The following GMIP variants were observed in gnomAD, a reference collection of about 807,000 sequenced individuals.
GMIP encodes the protein GEM-interacting protein.
Under a neutral mutation model 105.3 loss-of-function variants are expected in GMIP, and 54 were observed. The ratio of observed to expected loss-of-function variants is 0.51; its 90% confidence interval spans 0.41 to 0.64. The LOEUF (loss-of-function observed/expected upper bound fraction) is 0.64, where lower values mean the gene tolerates loss of function less well. Ranked by LOEUF, GMIP falls within the 30% of genes least tolerant of loss-of-function variation. GMIP has a pLI of 0.00. For synonymous variants in GMIP, 541 were observed against 560.8 expected (o/e 0.96, Z 0.50); for missense variants, 1,110 against 1,319.4 (o/e 0.84, Z 2.46).
chr19:19,630,014 C>T lies in GMIP; in HGVS notation c.2862G>A (p.Arg954=). Residue 954 remains arginine (R), a synonymous_variant, in exon 21 of 21, where the codon AGG becomes AGA. Coordinates refer to ENST00000203556, the MANE Select transcript of GMIP (RefSeq NM_016573.4). The surrounding 1 kb of genome is among the most constrained non-coding windows in gnomAD (Gnocchi z 4.8). ...GCTGGACGTCCGGGCAGCAGGTGGC[C>T]CTGGGCACAGCCTCGCTGTCCAATT... ...LSKLDSEAVP[R]ATCCPDVQPE... is the part of the protein sequence containing the mutation. 6.2e-7 allele frequency: 1 copy of T among 1,608,888 alleles called. No individual in the cohort carries two copies. The highest frequency in any genetic ancestry group is 1.1e-5 in the South Asian group (1 of 90,014).
chr19:19,635,505 C>T lies in GMIP; in HGVS notation c.1470G>A (p.Ala490=), dbSNP rs200565808. The T allele has an allele frequency of 1.9e-5, 30 of 1,612,398 alleles. No homozygotes were observed. Among genetic ancestry groups the T allele is most frequent in the Middle Eastern group, 1.7e-4 (1 of 5,824 alleles). Residue 490 remains alanine, a synonymous_variant, in exon 15 of 21, where the codon GCG becomes GCA. Coordinates refer to ENST00000203556, the MANE Select transcript of GMIP (RefSeq NM_016573.4). This position sits in a 1 kb window ranked among gnomAD's most constrained non-coding sequence, Gnocchi z 4.7. ...SPFGKWTLSS[A]AQTHQLRRLR... ...GTCGCCGCAGCTGGTGGGTCTGAGCCGCGCTGGACAGTGTCCACTTCCCGA... is the reference window on the plus strand; with the variant it reads ...GTCGCCGCAGCTGGTGGGTCTGAGCTGCGCTGGACAGTGTCCACTTCCCGA...
chr19:19,638,226 T>TG lies in GMIP; in HGVS notation c.721dup (p.Gln241ProfsTer7). The TG allele has an allele frequency of 1.2e-6, 2 of 1,600,208 alleles. No individual in the cohort carries two copies. The highest frequency in any genetic ancestry group is 1.3e-5 in the African/African-American group (1 of 74,978). ...CTGCTTGCTAGGTCCCGGCGAGGCC[T>TG]GGGGGGCCGAGTCCTCAGGGGACCC... On this transcript the variant is annotated frameshift_variant, in exon 9 of 21. Coordinates refer to ENST00000203556, the MANE Select transcript of GMIP (RefSeq NM_016573.4). LOFTEE classifies it high-confidence loss of function.
chr19:19,630,210 A>G lies in GMIP; in HGVS notation c.2666T>C (p.Leu889Pro). 1 of 1,598,150 alleles carries G rather than the reference A, an allele frequency of 6.3e-7. No homozygotes were observed. Among genetic ancestry groups the G allele is most frequent in the Non-Finnish European group, 8.6e-7 (1 of 1,168,662 alleles). ...CTCCTCGCACAGCTTGGAAGCCACC[A>G]GGGCCAGACTGGACAGCTGGTGGGT... ...PVTHQLSSLA[L>P]VASKLCEETP... The change falls in exon 21 of 21, where the codon CTG becomes CCG. Residue 889 changes from leucine to proline, a missense_variant. Leu to Pro is a moderately conservative substitution (Grantham distance 98). Coordinates refer to ENST00000203556, the MANE Select transcript of GMIP (RefSeq NM_016573.4). The surrounding 1 kb of genome is among the most constrained non-coding windows in gnomAD (Gnocchi z 4.8).
In GMIP at chr19:19,640,349, C is replaced by G; in HGVS notation, c.376G>C (p.Ala126Pro). 6.2e-7 allele frequency: 1 copy of G among 1,614,038 alleles called. No homozygotes were observed. Among genetic ancestry groups the G allele is most frequent in the Non-Finnish European group, 8.5e-7 (1 of 1,180,002 alleles). The change falls in exon 6 of 21, where the codon GCT (alanine) becomes CCT (proline). Residue 126 changes from alanine (A) to proline (P), a missense_variant. Around this residue, in one of 3 missense-constraint regions of GMIP, gnomAD observed 667 missense variants for 773.2 expected, o/e 0.86. Coordinates refer to ENST00000203556, the MANE Select transcript of GMIP (RefSeq NM_016573.4). ...TCAGCGATCTTCATGGTGCTCTTAG[C>G]AAACTCCAGCTCTGGGGGAAGAGAG... ...EKRASYELEF[A>P]KSTMKIAEAG... is the part of the protein sequence containing the mutation.
chr19:19,640,215 G>A, intron 6 of GMIP, 23 bp from the exon 7 acceptor site: 1 of 1,588,356 alleles, frequency 6.3e-7, no homozygotes, highest in Non-Finnish European at 8.6e-7. Context: ...GAGTGGTGTA[G>A]GAGGATACTG....
At chr19:19,640,257 G>C in intron 6 of GMIP, 39 bp downstream of exon 6, 1 of 1,600,024 alleles carries the variant, frequency 6.2e-7, no homozygotes, top group Non-Finnish European at 8.6e-7. Flanking sequence ...TGGGGTTCTA[G>C]GGGGCTTGGG....
At position 19,634,247 on chromosome 19, in the gene GMIP, G is replaced by A. The variant is rs948153777; in HGVS notation, c.2085-57C>T. ...ACAGGATGCAAGCTCATTGGTCTGA[G>A]GGTAAGGGTGGGACACGCAGGCCAG... is the stretch of plus-strand genomic sequence containing the variant. On this transcript the variant is annotated intron_variant, in intron 18 of 20. Coordinates refer to ENST00000203556, the MANE Select transcript of GMIP (RefSeq NM_016573.4). The surrounding 1 kb of genome is among the most constrained non-coding windows in gnomAD (Gnocchi z 6.1). 9 of 1,495,486 alleles carry A rather than the reference G, an allele frequency of 6.0e-6. No individual in the cohort carries two copies. In the African/African-American group the frequency reaches 1.1e-4, roughly 18 times the overall value. 92.6% of individuals were successfully genotyped at this position (1,495,486 alleles called of 1,614,324 possible).
chr19:19,634,092 G>T lies in GMIP; in HGVS notation c.2183C>A (p.Ala728Asp), dbSNP rs2061824373. ...LLRPPDGPRA[A>D]SAIPVTCLLD... ...CAGGCAGGTGACAGGGATGGCGCTGGCTGCCCGCGGGCCGTCCGGCGGCCG... is the reference window on the plus strand; with the variant it reads ...CAGGCAGGTGACAGGGATGGCGCTGTCTGCCCGCGGGCCGTCCGGCGGCCG... The change falls in exon 19 of 21, where the codon GCC becomes GAC. Residue 728 changes from alanine (A) to aspartate (D), a missense_variant. Physicochemically the swap from Ala to Asp is moderately radical, Grantham distance 126. Transcript: ENST00000203556. The surrounding 1 kb of genome is among the most constrained non-coding windows in gnomAD (Gnocchi z 6.1). 1 of 1,613,124 alleles carries T rather than the reference G, an allele frequency of 6.2e-7. No individual in the cohort carries two copies. The highest frequency in any genetic ancestry group is 8.5e-7 in the Non-Finnish European group (1 of 1,179,816).
In GMIP at chr19:19,643,182, G is replaced by A. The variant is rs1036971471; in HGVS notation, c.19+329C>T. On this transcript the variant is annotated intron_variant, in intron 1 of 20. Coordinates refer to ENST00000203556, the MANE Select transcript of GMIP (RefSeq NM_016573.4). ...CTCCCCAGGGCTACAGAGGGGCCCT[G>A]TGGGGATCCTACCGCGTTGCCCTCT... 1.8e-5 allele frequency: 6 copies of A among 341,222 alleles called. No homozygotes were observed. The Admixed American group carries it at 1.8e-4, about 10-fold the overall frequency. 21.1% of individuals were successfully genotyped at this position (341,222 alleles called of 1,614,324 possible).
chr19:19,632,144 A>T (rs2061802942), intron 19 of GMIP, among the ~76,000 whole-genome samples: 1 of 151,634 alleles, frequency 6.6e-6, no homozygotes, highest in Admixed American at 6.6e-5. Context: ...TACAAAAAAA[A>T]TTAGCTGGGT....
In GMIP at chr19:19,635,504, C is replaced by A. The variant is rs376823436; in HGVS notation, c.1471G>T (p.Ala491Ser). ...AGTCGCCGCAGCTGGTGGGTCTGAG[C>A]CGCGCTGGACAGTGTCCACTTCCCG... ...PFGKWTLSSA[A>S]QTHQLRRLRG... Residue 491 changes from alanine to serine, a missense_variant, in exon 15 of 21, where the codon GCT becomes TCT. Physicochemically the swap from Ala to Ser is moderately conservative, Grantham distance 99. Transcript: ENST00000203556. This position sits in a 1 kb window ranked among gnomAD's most constrained non-coding sequence, Gnocchi z 4.7. 40 of 1,612,244 alleles carry A rather than the reference C, an allele frequency of 2.5e-5. No individual in the cohort carries two copies. The highest frequency in any genetic ancestry group is 3.0e-5 in the Non-Finnish European group (35 of 1,180,016).
rs747941391 is a variant in GMIP, at chr19:19,630,100, G to A, written c.2776C>T (p.Arg926Cys). 2.1e-5 allele frequency: 34 copies of A among 1,610,108 alleles called. No homozygotes were observed. Among genetic ancestry groups the A allele is most frequent in the Middle Eastern group, 1.7e-4 (1 of 6,040 alleles). ...AAATGCTTGGGCAGCGGGGTGCGGC[G>A]CAGGGGGCTGCCCTCAGGGGAGGCA... ...AAASPEGSPL[R>C]RTPLPKHFEI... The change falls in exon 21 of 21, where the codon CGC (arginine) becomes TGC (cysteine). Residue 926 changes from arginine to cysteine, a missense_variant. Physicochemically the swap from Arg to Cys is radical, Grantham distance 180. Around this residue, in one of 3 missense-constraint regions of GMIP, gnomAD observed 394 missense variants for 450.5 expected, o/e 0.87. Coordinates refer to ENST00000203556, the MANE Select transcript of GMIP (RefSeq NM_016573.4). This position sits in a 1 kb window ranked among gnomAD's most constrained non-coding sequence, Gnocchi z 4.8.
chr19:19,631,056 C>T (rs985234550), intron 19 of GMIP, among the ~76,000 whole-genome samples: 1 of 152,078 alleles, frequency 6.6e-6, no homozygotes, highest in Non-Finnish European at 1.5e-5. Flanking sequence ...CAAAATTTAG[C>T]CGGGCGTGGT....
chr19:19,639,943 G>A (rs188237087), intron 7 of GMIP, 142 bp downstream of exon 7: 11 of 605,998 alleles, frequency 1.8e-5, no homozygotes, highest in African/African-American at 3.7e-5. Context: ...AAGCATCCCC[G>A]GGCCTCAGCT....
In GMIP at chr19:19,639,591, G is replaced by A. The variant is rs577325140; in HGVS notation, c.537+494C>T. Among the ~76,000 whole-genome samples the A allele has an allele frequency of 1.1e-4, 17 of 151,864 alleles. No homozygotes were observed. In the East Asian group the frequency reaches 2.4e-3, roughly 21 times the overall value. On this transcript the variant is annotated intron_variant, in intron 7 of 20. Transcript: ENST00000203556. The stretch of plus-strand genomic sequence containing the variant: ...TGGCTGGGCGTGGTGGCTCACGCCT[G>A]TAATCCCACCACTTTGGGAAGCTGA...
rs140654464 is a variant in GMIP, at chr19:19,641,857, G to C, written c.191C>G (p.Ala64Gly). 4.4e-5 allele frequency: 71 copies of C among 1,613,206 alleles called. No individual in the cohort carries two copies. The highest frequency in any genetic ancestry group is 5.7e-5 in the Non-Finnish European group (67 of 1,179,854). ...TGGGGAGGGGCCGCTCCAACAGCTG[G>C]CTTCGTTGGTCTGTGCGGGAGGGAG... ...KTPTATVTNE[A>G]SCWSGPSPEG... The change falls in exon 4 of 21, where the codon GCC (alanine) becomes GGC (glycine). Residue 64 changes from alanine (A) to glycine (G), a missense_variant. By Grantham distance (60) the Ala-to-Gly change is moderately conservative (BLOSUM62 0). Coordinates refer to ENST00000203556, the MANE Select transcript of GMIP (RefSeq NM_016573.4).
Position 19,630,667 on chromosome 19 carries a change from A to G in GMIP, c.2473-130T>C. On this transcript the variant is annotated intron_variant, in intron 19 of 20. Coordinates refer to ENST00000203556, the MANE Select transcript of GMIP (RefSeq NM_016573.4). This position sits in a 1 kb window ranked among gnomAD's most constrained non-coding sequence, Gnocchi z 4.8. ...AGTGCAAAGGCCCTGAGGTAGGAGC[A>G]TGCCTGGTATGTTAGGACGCAGCCC... The G allele has an allele frequency of 1.3e-6, 1 of 747,066 alleles. No homozygotes were observed. The highest frequency in any genetic ancestry group is 1.7e-5 in the African/African-American group (1 of 57,426). The allele number at this position is 747,066 out of a possible 1,614,324, so 46.3% of individuals were successfully genotyped here. A position where few individuals can be genotyped will look rare whatever the true frequency, so the allele number is the denominator to read the frequency against.
At position 19,634,537 on chromosome 19, in the gene GMIP, G is replaced by A. The variant is rs1248789049; in HGVS notation, c.2054C>T (p.Thr685Ile). 3 of 1,613,042 alleles carry A rather than the reference G, an allele frequency of 1.9e-6. No individual in the cohort carries two copies. In the Admixed American group the frequency reaches 5.0e-5, roughly 27 times the overall value. ...CAGATGGGCCACCAGGTGCCGCAGGGTGTTGTAGTTAGAGTCAGGCAGCTG... is the reference window on the plus strand; with the variant it reads ...CAGATGGGCCACCAGGTGCCGCAGGATGTTGTAGTTAGAGTCAGGCAGCTG... ...LVQLPDSNYN[T>I]LRHLVAHLFR... The change falls in exon 18 of 21, where the codon ACC (threonine) becomes ATC (isoleucine). Residue 685 changes from threonine (T) to isoleucine (I), a missense_variant. Physicochemically the swap from Thr to Ile is moderately conservative, Grantham distance 89. Around this residue, in one of 3 missense-constraint regions of GMIP, gnomAD observed 394 missense variants for 450.5 expected, o/e 0.87. Coordinates refer to ENST00000203556, the MANE Select transcript of GMIP (RefSeq NM_016573.4). The surrounding 1 kb of genome is among the most constrained non-coding windows in gnomAD (Gnocchi z 6.1).
Position 19,637,371 on chromosome 19 carries a change from A to T in GMIP, c.1118T>A (p.Leu373Ter). Residue 373 changes from leucine (L) to a stop codon, truncating the protein, a stop_gained, in exon 11 of 21, where the codon TTG becomes TAG. Transcript: ENST00000203556. LOFTEE classifies it high-confidence loss of function. This position sits in a 1 kb window ranked among gnomAD's most constrained non-coding sequence, Gnocchi z 6.7. ...CCCTGCTCCAGTGACCCACCTGTTC[A>T]AGGAGGGAAGGAACTCCTGGAAGGA... The part of the protein sequence containing the change: ...AFSFQEFLPS[L>*]NSSPLDIRKK... 1 of 1,500,450 alleles carries T rather than the reference A, an allele frequency of 6.7e-7. No individual in the cohort carries two copies. Among genetic ancestry groups the T allele is most frequent in the East Asian group, 2.4e-5 (1 of 40,962 alleles). 92.9% of individuals were successfully genotyped at this position (1,500,450 alleles called of 1,614,324 possible). A position where few individuals can be genotyped will look rare whatever the true frequency, so the allele number is the denominator to read the frequency against.
Sources: gnomAD v4.1 joint callset for allele counts (sites outside exome capture counted in the v4.1 genomes callset) on GRCh38, gnomAD v4.1.1 for gene constraint, gnomAD v4.1.1 regional missense constraint, Gnocchi (gnomAD v3.1) non-coding constraint, MANE v1.5 for transcripts, NCBI Gene and HGNC (gene_info 2026-07-23, HGNC 2026-07-21) for gene names.